RBMS3: variants seen among roughly 807,000 people sequenced by gnomAD.
RBMS3 encodes the protein RNA-binding motif, single-stranded-interacting protein 3.
Under a neutral mutation model 66.8 loss-of-function variants are expected in RBMS3, and 27 were observed. The ratio of observed to expected loss-of-function variants is 0.40; its 90% CI spans 0.30 to 0.56. The LOEUF (loss-of-function observed/expected upper bound fraction) is 0.56. Among genes scored for constraint, RBMS3 ranks in the 20% least tolerant of loss-of-function variants. The pLI is 0.40. For synonymous variants in RBMS3, 188 were observed against 183.0 expected, an observed-to-expected ratio of 1.03 and a Z score of -0.22; for missense variants, 513 against 549.5, an observed-to-expected ratio of 0.93 and a Z score of 0.66.
intron 1 of RBMS3, among the ~76,000 whole-genome samples, chr3:29,353,153 G>T (rs554776393): frequency 6.6e-6 from 1 of 151,760 alleles, no homozygotes; most frequent in African/African-American, 2.4e-5. Flanking sequence ...TGATAAATAT[G>T]TCTGATTCTG....
intron 3 of RBMS3, among the ~76,000 whole-genome samples, chr3:29,581,138 A>T (rs2047315315): frequency 1.3e-5 from 2 of 152,264 alleles, no homozygotes; most frequent in Admixed American, 1.3e-4. Context: ...GGTAGACCAT[A>T]TGGCTATCAT....
intron 1 of RBMS3, among the ~76,000 whole-genome samples, chr3:29,348,490 A>G (rs1356783969): frequency 6.6e-6 from 1 of 152,130 alleles, no homozygotes; most frequent in Non-Finnish European, 1.5e-5. Context: ...TATGTATTTC[A>G]TCAACAGACT....
In RBMS3 at chr3:29,485,457, A is replaced by T. The variant is rs77897324; in HGVS notation, c.249-2984A>T. On this transcript the variant is annotated intron_variant, in intron 2 of 14. Coordinates refer to ENST00000383767, the MANE Select transcript of RBMS3 (RefSeq NM_001003793.3). ...TGTATTTGAATATAAAGAAAATGTCATTAGAGACCTGGCTATATTTGTAGA... is the reference window on the plus strand; with the variant it reads ...TGTATTTGAATATAAAGAAAATGTCTTTAGAGACCTGGCTATATTTGTAGA... Among the ~76,000 whole-genome samples the T allele has an allele frequency of 8.5e-4, 129 of 152,286 alleles. 1 individual carries two copies. The highest frequency in any genetic ancestry group is 2.9e-3 in the African/African-American group (122 of 41,582).
chr3:29,935,874 C>T (rs1391463362), intron 10 of RBMS3, among the ~76,000 whole-genome samples: 1 of 151,996 alleles, frequency 6.6e-6, no homozygotes, highest in Non-Finnish European at 1.5e-5. Flanking sequence ...GGTAAATTAC[C>T]TCAGAAGAAA....
intron 3 of RBMS3, among the ~76,000 whole-genome samples, chr3:29,539,845 CTTACTAAAGT>C (rs1222288759): frequency 1.3e-5 from 2 of 152,200 alleles, no homozygotes; most frequent in Non-Finnish European, 2.9e-5. Context: ...TTATAGCTCT[CTTACTAAAGT>C]TTACTTTGGA....
Position 29,637,833 on chromosome 3 carries a change from G to A in RBMS3, c.399+50628G>A, listed in dbSNP as rs945348276. 4.6e-5 allele frequency among the ~76,000 whole-genome samples: 7 copies of A among 151,920 alleles called. No homozygotes were observed. In the South Asian group the frequency reaches 6.2e-4, roughly 14 times the overall value. On this transcript the variant is annotated intron_variant, in intron 4 of 14. Coordinates refer to ENST00000383767, the MANE Select transcript of RBMS3 (RefSeq NM_001003793.3). ...CTCTCTTTATCAAATAGGACTAATA[G>A]CATTAAAAGCAATAAACTTGCCTGA...
intron 1 of RBMS3, among the ~76,000 whole-genome samples, chr3:29,365,814 GTTC>G: frequency 6.6e-6 from 1 of 152,150 alleles, no homozygotes; most frequent in East Asian, 1.9e-4. Flanking sequence ...AATTTTTCTA[GTTC>G]CCTAAATTTT....
At chr3:29,650,279 C>CTTT (rs560594950) in intron 4 of RBMS3, among the ~76,000 whole-genome samples, 27 of 96,202 alleles carry the variant, frequency 2.8e-4, no homozygotes, top group African/African-American at 5.2e-4. Flanking sequence ...TCCTTTCTTT[C>CTTT]TTTTTTTTTT....
intron 12 of RBMS3, among the ~76,000 whole-genome samples, chr3:29,955,757 G>A (rs1695994195): frequency 6.6e-6 from 1 of 151,930 alleles, no homozygotes; most frequent in African/African-American, 2.4e-5. Flanking sequence ...TTCCATATTG[G>A]GAATCATTCT....
chr3:29,538,626 A>T (rs940051840), intron 3 of RBMS3, among the ~76,000 whole-genome samples: 12 of 152,204 alleles, frequency 7.9e-5, no homozygotes, highest in Non-Finnish European at 1.8e-4. Flanking sequence ...GGGTAGATTT[A>T]TGTTTCCAAA....
intron 3 of RBMS3, among the ~76,000 whole-genome samples, chr3:29,502,053 A>G (rs535029134): frequency 1.3e-5 from 2 of 152,230 alleles, no homozygotes; most frequent in Admixed American, 1.3e-4. Context: ...TAGGGAAGGA[A>G]TTTTGTTTGG....
intron 4 of RBMS3, among the ~76,000 whole-genome samples, chr3:29,663,624 A>C (rs2050639874): frequency 6.6e-6 from 1 of 152,242 alleles, no homozygotes; most frequent in African/African-American, 2.4e-5. Flanking sequence ...TTGGGGAGCT[A>C]TAATTATACC....
intron 14 of RBMS3, among the ~76,000 whole-genome samples, chr3:29,999,587 G>T (rs1699477974): frequency 6.6e-6 from 1 of 152,138 alleles, no homozygotes; most frequent in African/African-American, 2.4e-5. Flanking sequence ...CACAAAAAAT[G>T]ATGAGTTCAT....
chr3:29,613,247 T>G (rs1434807028), intron 4 of RBMS3, among the ~76,000 whole-genome samples: 4 of 152,348 alleles, frequency 2.6e-5, no homozygotes, highest in African/African-American at 9.6e-5. Context: ...TTTTAATTTT[T>G]TGAGGAATCT....
chr3:29,489,987 G>A (rs1327258068), intron 3 of RBMS3, among the ~76,000 whole-genome samples: 1 of 144,172 alleles, frequency 6.9e-6, no homozygotes. Context: ...AGGTTGCAGT[G>A]AGCCGAGATT....
At chr3:29,435,999 A>G (rs2041389961) in intron 2 of RBMS3, among the ~76,000 whole-genome samples, 2 of 151,054 alleles carry the variant, frequency 1.3e-5, no homozygotes, top group African/African-American at 2.4e-5. Flanking sequence ...GACGAATCGT[A>G]GACCTGTATT....
intron 6 of RBMS3, among the ~76,000 whole-genome samples, chr3:29,852,891 A>G (rs1197838115): frequency 1.3e-5 from 2 of 152,234 alleles, no homozygotes; most frequent in East Asian, 3.8e-4. Context: ...TCAAAATAGC[A>G]AAGTCATGGA....
At chr3:29,632,411 T>C (rs2049318534) in intron 4 of RBMS3, among the ~76,000 whole-genome samples, 1 of 151,914 alleles carries the variant, frequency 6.6e-6, no homozygotes, top group Admixed American at 6.6e-5. Flanking sequence ...CTGATTATAA[T>C]TGTTTAAGAT....
chr3:29,285,703 G>A (rs2032270665), intron 1 of RBMS3, among the ~76,000 whole-genome samples: 1 of 152,142 alleles, frequency 6.6e-6, no homozygotes, highest in Non-Finnish European at 1.5e-5. Context: ...TCAACTGCAC[G>A]TTGATTTCAG....
Sources: gnomAD v4.1 joint callset for allele counts (sites outside exome capture counted in the v4.1 genomes callset) on GRCh38, gnomAD v4.1.1 for gene constraint, MANE v1.5 for transcripts, NCBI Gene and HGNC (gene_info 2026-07-23, HGNC 2026-07-21) for gene names.